DNM3: variants seen among roughly 807,000 people sequenced by gnomAD.
DNM3 encodes the protein dynamin-3.
Under a neutral mutation model 101.6 loss-of-function variants are expected in DNM3, and 47 were observed. That is an observed-to-expected ratio of 0.46 (90% CI 0.37 to 0.59). The LOEUF is 0.59. Ranked by LOEUF, DNM3 falls within the 20% of genes least tolerant of loss-of-function variation. The pLI, the probability that DNM3 is intolerant of heterozygous loss-of-function variation, is 0.00. For synonymous variants in DNM3, 385 were observed against 387.9 expected, an observed-to-expected ratio of 0.99 and a Z score of 0.09; for missense variants, 849 against 1,085.7, an observed-to-expected ratio of 0.78 and a Z score of 3.06.
chr1:172,319,236 T>C (rs1226483194), intron 16 of DNM3, among the ~76,000 whole-genome samples: 2 of 151,796 alleles, frequency 1.3e-5, no homozygotes, highest in Admixed American at 1.3e-4. Flanking sequence ...CAAAAATTAA[T>C]TCAAGATGGA....
At chr1:172,058,305 G>A (rs2125900140) in intron 10 of DNM3, among the ~76,000 whole-genome samples, 1 of 151,690 alleles carries the variant, frequency 6.6e-6, no homozygotes, top group South Asian at 2.1e-4. Context: ...AACTCAACAA[G>A]GATACCCAGG....
chr1:171,979,055 C>G (rs1328810201), intron 2 of DNM3, among the ~76,000 whole-genome samples: 1 of 151,916 alleles, frequency 6.6e-6, no homozygotes, highest in Non-Finnish European at 1.5e-5. Context: ...GGTCTAGAAA[C>G]AAGTCTGGTG....
At chr1:172,389,694 T>C (rs9425298) in intron 20 of DNM3, among the ~76,000 whole-genome samples, 72,042 of 152,104 alleles carry the variant, frequency 0.47, 20,222 homozygotes, top group East Asian at 0.87. Context: ...AATATTTATA[T>C]ACTCCATGAA....
At chr1:172,376,261 TA>T (rs2068595974) in intron 17 of DNM3, 1 of 152,108 alleles carries the variant, frequency 6.6e-6, no homozygotes, top group African/African-American at 2.4e-5. Flanking sequence ...TCACGTTTTT[TA>T]AACAGCATCA....
intron 2 of DNM3, among the ~76,000 whole-genome samples, chr1:171,951,005 T>C (rs2042489252): frequency 6.6e-6 from 1 of 152,178 alleles, no homozygotes; most frequent in Non-Finnish European, 1.5e-5. Context: ...GTGTGCTGTG[T>C]CGTCTGGTCA....
At chr1:171,871,763 T>C (rs557211391) in intron 1 of DNM3, among the ~76,000 whole-genome samples, 2 of 152,284 alleles carry the variant, frequency 1.3e-5, no homozygotes, top group East Asian at 3.9e-4. Flanking sequence ...GAATGTTAGA[T>C]TCTGTGGGTT....
intron 1 of DNM3, among the ~76,000 whole-genome samples, chr1:171,868,494 A>G (rs1277948913): frequency 6.6e-6 from 1 of 152,234 alleles, no homozygotes; most frequent in Non-Finnish European, 1.5e-5. Context: ...ATTTTCGAGC[A>G]AGAAATAGCT....
intron 14 of DNM3, among the ~76,000 whole-genome samples, chr1:172,220,759 C>T (rs2060878285): frequency 6.6e-6 from 1 of 152,084 alleles, no homozygotes; most frequent in African/African-American, 2.4e-5. Flanking sequence ...TAGGGGATAT[C>T]ATGTTAAAGC....
intron 14 of DNM3, among the ~76,000 whole-genome samples, chr1:172,154,091 C>T (rs1202463863): frequency 6.6e-6 from 1 of 152,052 alleles, no homozygotes; most frequent in Non-Finnish European, 1.5e-5. Context: ...TATATCTTAT[C>T]TTTCTAACTT....
intron 4 of DNM3, among the ~76,000 whole-genome samples, chr1:172,007,997 C>T (rs1364454474): frequency 6.6e-6 from 1 of 151,874 alleles, no homozygotes; most frequent in African/African-American, 2.4e-5. Context: ...GCTATTTGTA[C>T]GTCTTCTTTT....
At chr1:171,904,428 T>C (rs1204943744) in intron 1 of DNM3, among the ~76,000 whole-genome samples, 1 of 152,222 alleles carries the variant, frequency 6.6e-6, no homozygotes, top group Non-Finnish European at 1.5e-5. Flanking sequence ...ACTGCATTCC[T>C]AAATAATAAA....
At chr1:171,952,491 G>T (rs2042592401) in intron 2 of DNM3, among the ~76,000 whole-genome samples, 1 of 152,064 alleles carries the variant, frequency 6.6e-6, no homozygotes, top group African/African-American at 2.4e-5. Flanking sequence ...TAAGAGGGAG[G>T]GGGTGTAACA....
intron 4 of DNM3, among the ~76,000 whole-genome samples, chr1:172,020,401 T>C (rs2047750579): frequency 1.3e-5 from 2 of 152,082 alleles, no homozygotes; most frequent in African/African-American, 4.8e-5. Flanking sequence ...GTTAAATGAC[T>C]TCTCTTAAGG....
chr1:172,159,128 T>C (rs900113519), intron 14 of DNM3, among the ~76,000 whole-genome samples: 58 of 152,160 alleles, frequency 3.8e-4, no homozygotes, highest in African/African-American at 1.3e-3. Flanking sequence ...TTGAGACCCA[T>C]TGGCATTATT....
intron 14 of DNM3, among the ~76,000 whole-genome samples, chr1:172,152,215 T>A (rs1243124688): frequency 2.6e-5 from 4 of 151,942 alleles, no homozygotes; most frequent in Admixed American, 1.3e-4. Context: ...CAGAAGTAAT[T>A]GCCTTCTGCT....
intron 14 of DNM3, among the ~76,000 whole-genome samples, chr1:172,156,878 CT>C (rs1288057830): frequency 1.3e-5 from 2 of 152,034 alleles, no homozygotes; most frequent in Non-Finnish European, 2.9e-5. Flanking sequence ...TTGCTAGTTA[CT>C]TAACTGTAGT....
At chr1:172,005,754 T>G (rs768344158) in intron 4 of DNM3, among the ~76,000 whole-genome samples, 16 of 152,098 alleles carry the variant, frequency 1.1e-4, no homozygotes, top group African/African-American at 3.6e-4. Context: ...GAAAATCACG[T>G]TCCTATTTAG....
chr1:172,272,243 G>A (rs1368269053), intron 15 of DNM3, among the ~76,000 whole-genome samples: 1 of 151,882 alleles, frequency 6.6e-6, no homozygotes, highest in Non-Finnish European at 1.5e-5. Context: ...TTAATCTCTA[G>A]AAAATATTCA....
At chr1:172,196,711 G>A (rs981974414) in intron 14 of DNM3, among the ~76,000 whole-genome samples, 5 of 151,954 alleles carry the variant, frequency 3.3e-5, no homozygotes, top group Admixed American at 6.6e-5. Flanking sequence ...CTTCTGTTGA[G>A]AAGTCTCTGT....
Sources: gnomAD v4.1 joint callset for allele counts (sites outside exome capture counted in the v4.1 genomes callset) on GRCh38, gnomAD v4.1.1 for gene constraint, MANE v1.5 for transcripts, NCBI Gene and HGNC (gene_info 2026-07-23, HGNC 2026-07-21) for gene names.